TENM3: variants seen among roughly 807,000 people sequenced by gnomAD.
The protein encoded by TENM3 is teneurin-3.
In TENM3, 63 loss-of-function variants were observed where a neutral mutation model predicts 255.1. The observed-to-expected ratio is 0.25, with a 90% confidence interval of 0.20 to 0.30. The LOEUF is 0.30. Ranked by LOEUF, TENM3 falls within the 10% of genes least tolerant of loss-of-function variation. The pLI is 1.00. For synonymous variants in TENM3, 1,306 were observed against 1,322.3 expected, an observed-to-expected ratio of 0.99 and a Z score of 0.27; for missense variants, 2,929 against 3,461.1, an observed-to-expected ratio of 0.85 and a Z score of 3.86.
At chr4:181,806,348 T>C in the TENM3 span, among the ~76,000 whole-genome samples, 1 of 152,348 alleles carries the variant, frequency 6.6e-6, no homozygotes, top group South Asian at 2.1e-4. Context: ...CCTCCTCGAC[T>C]GTGCTACCTG....
At chr4:182,704,634 G>C (rs1382654604) in intron 12 of TENM3, among the ~76,000 whole-genome samples, 1 of 152,020 alleles carries the variant, frequency 6.6e-6, no homozygotes, top group Non-Finnish European at 1.5e-5. Flanking sequence ...ATTTTGCTTG[G>C]GTAGGTGCAT....
the TENM3 span, among the ~76,000 whole-genome samples, chr4:182,072,609 A>C: frequency 6.6e-6 from 1 of 152,244 alleles, no homozygotes; most frequent in African/African-American, 2.4e-5. Flanking sequence ...GATATCTTGC[A>C]TAGTAAACCT....
At chr4:182,321,730 G>A (rs1763066398) in intron 1 of TENM3, among the ~76,000 whole-genome samples, 1 of 152,068 alleles carries the variant, frequency 6.6e-6, no homozygotes, top group South Asian at 2.1e-4. Flanking sequence ...CGGATCACGA[G>A]GTCAGGAGAT....
At chr4:182,685,489 A>G (rs906977847) in intron 11 of TENM3, among the ~76,000 whole-genome samples, 1 of 152,180 alleles carries the variant, frequency 6.6e-6, no homozygotes, top group Non-Finnish European at 1.5e-5. Flanking sequence ...TTTAAATAAC[A>G]TGTTAACTTG....
At chr4:181,725,766 A>T in the TENM3 span, among the ~76,000 whole-genome samples, 1 of 152,168 alleles carries the variant, frequency 6.6e-6, no homozygotes, top group Non-Finnish European at 1.5e-5. Flanking sequence ...TTAATGATTT[A>T]TTCTTTGTCC....
chr4:182,482,543 A>G (rs147679809), intron 3 of TENM3, among the ~76,000 whole-genome samples: 25 of 152,332 alleles, frequency 1.6e-4, no homozygotes, highest in African/African-American at 3.8e-4. Flanking sequence ...CAGAATCTTC[A>G]CTGCACTGTA....
At position 182,799,939 on chromosome 4, in the gene TENM3, G is replaced by C; in HGVS notation, c.7688G>C (p.Arg2563Pro). The change falls in exon 28 of 28, where the codon CGG becomes CCG. Residue 2563 changes from arginine to proline, a missense_variant. Around this residue, in one of 6 missense-constraint regions of TENM3, gnomAD observed 476 missense variants for 480.1 expected, o/e 0.99. Transcript: ENST00000511685. The surrounding 1 kb of genome is among the most constrained non-coding windows in gnomAD (Gnocchi z 4.2). ...CCCGAGAGCGACCTGGGCACGCTGC[G>C]GTTGACCAGCGGCCGCAAGGCGCTG... ...TTPESDLGTLRLTSGRKALEN... is the reference protein window; with the variant it reads ...TTPESDLGTLPLTSGRKALEN... The C allele has an allele frequency of 6.3e-7, 1 of 1,597,450 alleles. No homozygotes were observed. Among genetic ancestry groups the C allele is most frequent in the African/African-American group, 1.3e-5 (1 of 74,696 alleles).
intron 5 of TENM3, among the ~76,000 whole-genome samples, chr4:182,646,585 T>C (rs1450727752): frequency 1.3e-5 from 2 of 151,876 alleles, no homozygotes; most frequent in African/African-American, 4.8e-5. Context: ...CTACTAAAAA[T>C]AGAAAAATTA....
At chr4:182,424,036 A>G (rs549606090) in intron 3 of TENM3, among the ~76,000 whole-genome samples, 1 of 152,324 alleles carries the variant, frequency 6.6e-6, no homozygotes, top group East Asian at 1.9e-4. Context: ...TTGAAAAAGC[A>G]GTTTTCACTT....
chr4:181,550,355 C>T, the TENM3 span, among the ~76,000 whole-genome samples: 880 of 152,306 alleles, frequency 5.8e-3, 11 homozygotes, highest in African/African-American at 0.02. Context: ...AAGCTAAATG[C>T]TCTTAATCAA....
the TENM3 span, among the ~76,000 whole-genome samples, chr4:182,017,692 T>C: frequency 6.6e-6 from 1 of 152,210 alleles, no homozygotes; most frequent in Non-Finnish European, 1.5e-5. Context: ...TTTCTTGTAG[T>C]TCTTACATGC....
At chr4:181,677,135 A>G in the TENM3 span, among the ~76,000 whole-genome samples, 2 of 151,920 alleles carry the variant, frequency 1.3e-5, no homozygotes, top group African/African-American at 2.4e-5. Context: ...AATTCTCCCT[A>G]CGTGAACCCA....
the TENM3 span, among the ~76,000 whole-genome samples, chr4:181,775,151 C>G: frequency 6.6e-6 from 1 of 152,132 alleles, no homozygotes; most frequent in East Asian, 1.9e-4. Flanking sequence ...CTGACTCCCC[C>G]CATACAGGGC....
At chr4:181,643,724 G>A in the TENM3 span, among the ~76,000 whole-genome samples, 1 of 152,168 alleles carries the variant, frequency 6.6e-6, no homozygotes, top group East Asian at 1.9e-4. Context: ...CACCGCATAA[G>A]AGAATGTGCA....
At chr4:182,007,802 C>G in the TENM3 span, among the ~76,000 whole-genome samples, 4 of 152,146 alleles carry the variant, frequency 2.6e-5, no homozygotes, top group African/African-American at 9.7e-5. Flanking sequence ...CTAGTTGATA[C>G]AGTTTCTTTG....
rs531290395 is a variant in TENM3 at position 182,288,742 on chromosome 4, T to C, written c.-75-35204T>C. 6.6e-5 allele frequency among the ~76,000 whole-genome samples: 10 copies of C among 152,310 alleles called. No homozygotes were observed. In the East Asian group the frequency reaches 1.9e-3, roughly 29 times the overall value. ...AGAAAAAGGAACTGAAATTAGCTGC[T>C]GTGGACTCTGACTCTAGAGAACAGG... On this transcript the variant is annotated intron_variant, in intron 1 of 27. Transcript: ENST00000511685.
chr4:182,387,529 C>G (rs1768044429), intron 3 of TENM3, among the ~76,000 whole-genome samples: 1 of 152,102 alleles, frequency 6.6e-6, no homozygotes, highest in South Asian at 2.1e-4. Flanking sequence ...TGGCAACACG[C>G]TTGGGTCCCC....
chr4:181,840,572 C>A, the TENM3 span, among the ~76,000 whole-genome samples: 2 of 152,084 alleles, frequency 1.3e-5, no homozygotes, highest in Non-Finnish European at 2.9e-5. Context: ...TGGCTTATAA[C>A]TATGAATTAC....
At chr4:182,470,279 C>A (rs1299022179) in intron 3 of TENM3, among the ~76,000 whole-genome samples, 4 of 152,124 alleles carry the variant, frequency 2.6e-5, no homozygotes, top group Non-Finnish European at 5.9e-5. Context: ...TTTATGTAAA[C>A]CTGTATTTTA....
Sources: allele counts gnomAD v4.1 joint callset (sites outside exome capture counted in the v4.1 genomes callset), GRCh38; gene constraint gnomAD v4.1.1; regional missense constraint gnomAD v4.1.1; non-coding constraint Gnocchi (gnomAD v3.1); transcripts MANE v1.5; gene names NCBI Gene and HGNC (gene_info 2026-07-23, HGNC 2026-07-21).